Variants in PSTPIP1 observed in about 807,000 individuals in gnomAD.
PSTPIP1 encodes proline-serine-threonine phosphatase-interacting protein 1.
PSTPIP1 carries 66 observed loss-of-function variants against 69.6 expected under a neutral mutation model. The ratio of observed to expected loss-of-function variants is 0.95; its 90% confidence interval spans 0.78 to 1.16. PSTPIP1 has a LOEUF of 1.16. PSTPIP1 is among the 50% of genes most tolerant of loss of function. The pLI is 0.00. For synonymous variants in PSTPIP1, 266 were observed against 222.7 expected, an observed-to-expected ratio of 1.19 and a Z score of -1.73; for missense variants, 603 against 557.4, an observed-to-expected ratio of 1.08 and a Z score of -0.82.
At chr15:77,030,638 C>T in intron 9 of PSTPIP1, 57 bp downstream of exon 9, 1 of 1,505,598 alleles carries the variant, frequency 6.6e-7, no homozygotes, top group Non-Finnish European at 9.0e-7. Flanking sequence ...AGACGCCCAT[C>T]CCTACTCCAG....
Position 77,037,297 on chromosome 15 carries a change from C to T in PSTPIP1, c.*121C>T, listed in dbSNP as rs566906535. ...CCCCCAGCCCCGAGAGGGAGCCTGT[C>T]GTCTCCCAGGGAATAAAGGAGTGCG... is the stretch of plus-strand genomic sequence containing the variant. On this transcript the variant is annotated 3_prime_UTR_variant, in exon 15 of 15. Coordinates refer to ENST00000558012, the MANE Select transcript of PSTPIP1 (RefSeq NM_003978.5). 302 of 1,326,742 alleles carry T rather than the reference C, an allele frequency of 2.3e-4. 1 individual carries two copies. In the East Asian group the frequency reaches 3.4e-3, roughly 15 times the overall value. The allele number at this position is 1,326,742 out of a possible 1,614,324, so 82.2% of individuals were successfully genotyped here. A position where few individuals can be genotyped will look rare whatever the true frequency, so the allele number is the denominator to read the frequency against.
At chr15:77,023,261 G>A (rs560975220) in intron 3 of PSTPIP1, among the ~76,000 whole-genome samples, 9 of 152,354 alleles carry the variant, frequency 5.9e-5, no homozygotes, top group African/African-American at 1.9e-4. Flanking sequence ...ACAGACATCC[G>A]CTGGGCCAGC....
intron 1 of PSTPIP1, chr15:77,007,832 GA>G: frequency 2.2e-6 from 1 of 448,034 alleles, no homozygotes; most frequent in Non-Finnish European, 4.5e-6. Context: ...CTGACCTCGT[GA>G]TCTGCCCGTC....
At position 77,035,941 on chromosome 15, in the gene PSTPIP1, G is replaced by T. The variant is rs753672012; in HGVS notation, c.1119+6G>T. 1.3e-6 allele frequency: 2 copies of T among 1,591,790 alleles called. No homozygotes were observed. Among genetic ancestry groups the T allele is most frequent in the Non-Finnish European group, 1.7e-6 (2 of 1,171,602 alleles). On this transcript the variant is annotated splice_donor_region_variant and intron_variant, in intron 14 of 14. Coordinates refer to ENST00000558012, the MANE Select transcript of PSTPIP1 (RefSeq NM_003978.5). ...TCTACGATTATACAGCGCAGGTGAG[G>T]CCTCTATACCCCAAACCCACCTGTG...
rs780825166 is a variant in PSTPIP1, at chr15:77,035,820, C to A, written c.1004C>A (p.Thr335Asn). 28 of 1,608,808 alleles carry A rather than the reference C, an allele frequency of 1.7e-5. No individual in the cohort carries two copies. The East Asian group carries it at 6.0e-4, about 35-fold the overall frequency. Residue 335 changes from threonine to asparagine, a missense_variant, in exon 14 of 15, where the codon ACC (threonine) becomes AAC (asparagine). By Grantham distance (65) the Thr-to-Asn change is moderately conservative. Transcript: ENST00000558012. ...AASAASTETL[T>N]PTPERNEGVY... ...CTCTTAGCGTCCACAGAGACCCTGACCCCCACCCCCGAGCGGAATGAGGGT... is the reference window on the plus strand; with the variant it reads ...CTCTTAGCGTCCACAGAGACCCTGAACCCCACCCCCGAGCGGAATGAGGGT...
At chr15:77,031,869 TG>T in intron 10 of PSTPIP1, 1 of 187,356 alleles carries the variant, frequency 5.3e-6, no homozygotes, top group East Asian at 1.5e-4. Flanking sequence ...TCCGGGGCTG[TG>T]GGGGTTGATT....
Position 77,027,907 on chromosome 15 carries a change from C to T in PSTPIP1, c.410C>T (p.Ala137Val). Reference protein sequence around the residue: ...QKSKLSLYKKAMESKKTYEQK... With the variant: ...QKSKLSLYKKVMESKKTYEQK... ...AGCAAGCTGTCGCTCTACAAGAAGGCCATGGAGGTGAGCGCCAGGGCCTGG... is the reference window on the plus strand; with the variant it reads ...AGCAAGCTGTCGCTCTACAAGAAGGTCATGGAGGTGAGCGCCAGGGCCTGG... The change falls in exon 6 of 15, where the codon GCC becomes GTC. Residue 137 changes from alanine (A) to valine (V), a missense_variant. Coordinates refer to ENST00000558012, the MANE Select transcript of PSTPIP1 (RefSeq NM_003978.5). The surrounding 1 kb of genome is among the most constrained non-coding windows in gnomAD (Gnocchi z 4.3). The T allele has an allele frequency of 6.4e-7, 1 of 1,561,344 alleles. No individual in the cohort carries two copies. The highest frequency in any genetic ancestry group is 8.7e-7 in the Non-Finnish European group (1 of 1,153,174).
At chr15:77,033,159 A>G (rs1417941499) in intron 12 of PSTPIP1, among the ~76,000 whole-genome samples, 1 of 152,172 alleles carries the variant, frequency 6.6e-6, no homozygotes, top group Non-Finnish European at 1.5e-5. Flanking sequence ...CAGACACTAG[A>G]ATAATCACAC....
rs1298591463 is a variant in PSTPIP1, at chr15:77,000,484, C to T, written c.36+4875C>T. 3.8e-3 allele frequency among the ~76,000 whole-genome samples: 555 copies of T among 147,732 alleles called. 10 individuals are homozygous for T. The highest frequency in any genetic ancestry group is 0.014 in the African/African-American group (526 of 37,732). ...AGATATATATATATATATACACACACACACACACACACACACACATACACA... is the reference window on the plus strand; with the variant it reads ...AGATATATATATATATATACACACATACACACACACACACACACATACACA... On this transcript the variant is annotated intron_variant, in intron 1 of 14. Transcript: ENST00000558012.
intron 1 of PSTPIP1, chr15:77,015,710 C>G (rs563458003): frequency 1.7e-5 from 6 of 351,744 alleles, no homozygotes; most frequent in Non-Finnish European, 2.8e-5. Context: ...GACCCATGCC[C>G]TCGAGGAAGT....
At chr15:77,029,599 C>A in intron 8 of PSTPIP1, 25 bp downstream of exon 8, 1 of 1,560,996 alleles carries the variant, frequency 6.4e-7, no homozygotes, top group Non-Finnish European at 8.7e-7. Flanking sequence ...CTGCCCCGTC[C>A]GACCAGGGCG....
At position 77,031,164 on chromosome 15, in the gene PSTPIP1, C is replaced by T. The variant is rs1480686004; in HGVS notation, c.643-16C>T. The T allele has an allele frequency of 6.2e-7, 1 of 1,610,496 alleles. No individual in the cohort carries two copies. The highest frequency in any genetic ancestry group is 1.7e-5 in the Admixed American group (1 of 59,986). ...AGCCGCCTCCTCACTGCTCACCTCC[C>T]TCCCACTGCCCCCAGGCCTTTCAGC... On this transcript the variant is annotated splice_polypyrimidine_tract_variant and intron_variant, in intron 9 of 14. Coordinates refer to ENST00000558012, the MANE Select transcript of PSTPIP1 (RefSeq NM_003978.5).
At chr15:76,999,975 G>T (rs1384427744) in intron 1 of PSTPIP1, among the ~76,000 whole-genome samples, 2 of 152,212 alleles carry the variant, frequency 1.3e-5, no homozygotes, top group Non-Finnish European at 2.9e-5. Flanking sequence ...GGGAGGCTGG[G>T]TCACATGCAC....
At chr15:77,028,787 T>C in intron 7 of PSTPIP1, 135 bp downstream of exon 7, 1 of 785,894 alleles carries the variant, frequency 1.3e-6, no homozygotes. Flanking sequence ...ACCCCCAATC[T>C]CCCCATCTGT....
chr15:77,036,878 G>T (rs2076588331), intron 14 of PSTPIP1, among the ~76,000 whole-genome samples, 167 bp from the exon 15 acceptor site: 1 of 152,130 alleles, frequency 6.6e-6, no homozygotes. Flanking sequence ...GGGGATGGGA[G>T]GCCCGGTCCG....
chr15:77,008,718 C>T (rs2075871009), intron 1 of PSTPIP1, among the ~76,000 whole-genome samples: 1 of 152,198 alleles, frequency 6.6e-6, no homozygotes, highest in Admixed American at 6.5e-5. Context: ...CATTCTTGAT[C>T]TGAGTCCTAC....
At position 77,037,150 on chromosome 15, in the gene PSTPIP1, C is replaced by T. The variant is rs756621016; in HGVS notation, c.1225C>T (p.Pro409Ser). Reference sequence around the variant, plus strand: ...GAGGAACGGGCAGCGTGGCTTCGTCCCTGGTTCCTACCTGGAGAAGCTTTG... The same window carrying T: ...GAGGAACGGGCAGCGTGGCTTCGTCTCTGGTTCCTACCTGGAGAAGCTTTG... ...VERNGQRGFV[P>S]GSYLEKL The change falls in exon 15 of 15, where the codon CCT (proline) becomes TCT (serine). Residue 409 changes from proline (P) to serine (S), a missense_variant. By Grantham distance (74) the Pro-to-Ser change is moderately conservative (BLOSUM62 -1). Transcript: ENST00000558012. The T allele has an allele frequency of 1.9e-6, 3 of 1,610,914 alleles. No homozygotes were observed. Among genetic ancestry groups the T allele is most frequent in the Admixed American group, 3.3e-5 (2 of 59,740 alleles).
intron 1 of PSTPIP1, among the ~76,000 whole-genome samples, chr15:76,997,100 G>C (rs1015231236): frequency 6.6e-6 from 1 of 152,254 alleles, no homozygotes; most frequent in African/African-American, 2.4e-5. Context: ...ACAGGTAGGG[G>C]TGGCGTATAA....
chr15:77,008,568 C>A (rs575217513), intron 1 of PSTPIP1, among the ~76,000 whole-genome samples: 2 of 152,274 alleles, frequency 1.3e-5, no homozygotes, highest in East Asian at 3.9e-4. Context: ...CGCCACCACA[C>A]CCGGCTAATT....
Sources: allele counts gnomAD v4.1 joint callset (sites outside exome capture counted in the v4.1 genomes callset), GRCh38; gene constraint gnomAD v4.1.1; non-coding constraint Gnocchi (gnomAD v3.1); transcripts MANE v1.5; gene names NCBI Gene and HGNC (gene_info 2026-07-23, HGNC 2026-07-21).